SORCS1: variants seen among roughly 807,000 people sequenced by gnomAD.
SORCS1 encodes sortilin related VPS10 domain containing receptor 1, also known as VPS10 domain-containing receptor SorCS1.
In SORCS1, 60 loss-of-function variants were observed where a neutral mutation model predicts 146.1. That is an observed-to-expected ratio of 0.41 (90% CI 0.33 to 0.51). The LOEUF (loss-of-function observed/expected upper bound fraction) is 0.51, where lower values mean the gene tolerates loss of function less well. Ranked by LOEUF, SORCS1 falls within the 20% of genes least tolerant of loss-of-function variation. The pLI, the probability that SORCS1 is intolerant of heterozygous loss-of-function variation, is 0.21. For missense variants in SORCS1, 1,352 were observed against 1,487.6 expected (o/e 0.91, Z 1.50); for synonymous variants, 637 against 584.0 (o/e 1.09, Z -1.31).
intron 9 of SORCS1, among the ~76,000 whole-genome samples, chr10:106,695,914 G>A (rs535067832): frequency 9.2e-4 from 140 of 152,146 alleles, no homozygotes; most frequent in African/African-American, 3.3e-3. Context: ...ATAGTTCTAG[G>A]GTAGAGAACA....
At chr10:106,693,484 A>T (rs1853454295) in intron 9 of SORCS1, among the ~76,000 whole-genome samples, 1 of 152,174 alleles carries the variant, frequency 6.6e-6, no homozygotes, top group South Asian at 2.1e-4. Flanking sequence ...TACTCAAAGA[A>T]ATTGTATTTT....
chr10:107,176,037 T>A, the SORCS1 span, among the ~76,000 whole-genome samples: 2 of 152,208 alleles, frequency 1.3e-5, no homozygotes, highest in African/African-American at 4.8e-5. Context: ...TATACACACA[T>A]ATATATGTGT....
intron 1 of SORCS1, among the ~76,000 whole-genome samples, chr10:107,084,085 G>GT (rs1189640922): frequency 8.0e-6 from 1 of 124,326 alleles, no homozygotes; most frequent in East Asian, 2.3e-4. Context: ...TATTTTTGTT[G>GT]TTTTTTGTTT....
chr10:106,632,192 C>T (rs1341731453), intron 18 of SORCS1, among the ~76,000 whole-genome samples: 1 of 152,174 alleles, frequency 6.6e-6, no homozygotes, highest in Non-Finnish European at 1.5e-5. Context: ...GTCCCCAGGA[C>T]CTCCTGATAT....
At chr10:106,645,170 A>ATT (rs3044909) in intron 18 of SORCS1, among the ~76,000 whole-genome samples, 3 of 106,814 alleles carry the variant, frequency 2.8e-5, no homozygotes, top group East Asian at 5.3e-4. Flanking sequence ...GTGTCTTATT[A>ATT]TTTTTTTTTT....
intron 1 of SORCS1, among the ~76,000 whole-genome samples, chr10:107,147,341 A>G (rs1455536165): frequency 6.6e-6 from 1 of 152,154 alleles, no homozygotes; most frequent in African/African-American, 2.4e-5. Context: ...TTTCTCCCTC[A>G]GGCCTTTGGC....
the SORCS1 span, among the ~76,000 whole-genome samples, chr10:107,176,327 C>T: frequency 1.3e-4 from 19 of 146,436 alleles, no homozygotes; most frequent in South Asian, 4.3e-4. Flanking sequence ...CTCTCTCTCT[C>T]TCTTTCTTTT....
the SORCS1 span, among the ~76,000 whole-genome samples, chr10:107,174,777 ATTGT>A: frequency 6.6e-6 from 1 of 152,024 alleles, no homozygotes; most frequent in East Asian, 1.9e-4. Context: ...TTGGTTGATG[ATTGT>A]TTGGCTAGCA....
At chr10:106,819,681 C>T (rs1199328019) in intron 3 of SORCS1, among the ~76,000 whole-genome samples, 1 of 152,168 alleles carries the variant, frequency 6.6e-6, no homozygotes, top group Non-Finnish European at 1.5e-5. Context: ...CACCCCCACA[C>T]TTGAGTCATA....
In SORCS1 at chr10:106,629,244, T is replaced by C. The variant is rs1848287339; in HGVS notation, c.2620A>G (p.Ser874Gly). 1 of 1,613,978 alleles carries C rather than the reference T, an allele frequency of 6.2e-7. No homozygotes were observed. Among genetic ancestry groups the C allele is most frequent in the African/African-American group, 1.3e-5 (1 of 74,950 alleles). Reference sequence around the variant, plus strand: ...AGGACGGCGCTGTCAGAACCCAGACTGTTGTCCACCTGCACGGTCACACGG... The same window carrying C: ...AGGACGGCGCTGTCAGAACCCAGACCGTTGTCCACCTGCACGGTCACACGG... ...IFRVTVQVDN[S>G]LGSDSAVLYL... The change falls in exon 19 of 26, where the codon AGT becomes GGT. Residue 874 changes from serine (S) to glycine (G), a missense_variant. Physicochemically the swap from Ser to Gly is moderately conservative, Grantham distance 56 (BLOSUM62 0). Coordinates refer to ENST00000263054, the MANE Select transcript of SORCS1 (RefSeq NM_052918.5).
At chr10:106,965,988 TA>T (rs1313423482) in intron 1 of SORCS1, among the ~76,000 whole-genome samples, 1 of 152,240 alleles carries the variant, frequency 6.6e-6, no homozygotes, top group East Asian at 1.9e-4. Context: ...TTACGTTTTT[TA>T]AAGTTTTGAA....
intron 2 of SORCS1, among the ~76,000 whole-genome samples, chr10:106,868,881 A>C (rs1378082590): frequency 1.3e-5 from 2 of 152,222 alleles, no homozygotes; most frequent in African/African-American, 4.8e-5. Flanking sequence ...AAAACTATTC[A>C]AAAGATCAAT....
chr10:106,849,257 C>T (rs1398785788), intron 2 of SORCS1, among the ~76,000 whole-genome samples: 5 of 150,750 alleles, frequency 3.3e-5, no homozygotes, highest in Admixed American at 2.7e-4. Flanking sequence ...TCACATAGTC[C>T]CATATTTCTT....
intron 5 of SORCS1, among the ~76,000 whole-genome samples, chr10:106,744,083 C>A (rs565066680): frequency 2.6e-5 from 4 of 152,038 alleles, no homozygotes; most frequent in African/African-American, 9.7e-5. Flanking sequence ...TTGGTAATAT[C>A]TATCGTTTTA....
chr10:106,844,233 T>G (rs1949204518), intron 2 of SORCS1, among the ~76,000 whole-genome samples: 1 of 152,216 alleles, frequency 6.6e-6, no homozygotes, highest in African/African-American at 2.4e-5. Flanking sequence ...AATCAGGTTT[T>G]TTGTTTAATT....
chr10:106,579,460 G>T lies in SORCS1; in HGVS notation c.3280C>A (p.Leu1094Ile). The T allele has an allele frequency of 5.0e-6, 8 of 1,613,812 alleles. No homozygotes were observed. Among genetic ancestry groups the T allele is most frequent in the Non-Finnish European group, 6.8e-6 (8 of 1,179,930 alleles). ...AHLTAAPLVDLTPTHSGSAML... is the reference protein window; with the variant it reads ...AHLTAAPLVDITPTHSGSAML... ...GCAGATCCACTGTGGGTTGGAGTGAGGTCCACCAGGGGGGCTTGTGGGGGA... is the reference window on the plus strand; with the variant it reads ...GCAGATCCACTGTGGGTTGGAGTGATGTCCACCAGGGGGGCTTGTGGGGGA... Residue 1094 changes from leucine (L) to isoleucine (I), a missense_variant, in exon 25 of 26, where the codon CTC (leucine) becomes ATC (isoleucine). By Grantham distance (5) the Leu-to-Ile change is conservative. Around this residue, in one of 3 missense-constraint regions of SORCS1, gnomAD observed 214 missense variants for 204.8 expected, o/e 1.05. Coordinates refer to ENST00000263054, the MANE Select transcript of SORCS1 (RefSeq NM_052918.5).
At chr10:106,593,343 G>C (rs1845724130) in intron 24 of SORCS1, among the ~76,000 whole-genome samples, 1 of 152,074 alleles carries the variant, frequency 6.6e-6, no homozygotes, top group Non-Finnish European at 1.5e-5. Context: ...ACAGGAAACA[G>C]ATCCCTCCCA....
At chr10:106,625,705 A>G (rs527650272) in intron 19 of SORCS1, among the ~76,000 whole-genome samples, 3 of 152,204 alleles carry the variant, frequency 2.0e-5, no homozygotes, top group Non-Finnish European at 4.4e-5. Flanking sequence ...CATGGCTCCT[A>G]TATAAGGGAA....
intron 2 of SORCS1, among the ~76,000 whole-genome samples, chr10:106,883,555 C>T (rs1329599811): frequency 6.6e-6 from 1 of 152,010 alleles, no homozygotes; most frequent in Non-Finnish European, 1.5e-5. Context: ...GCTGAGACTA[C>T]AGGTGCCTGC....
Sources: gnomAD v4.1 joint callset for allele counts (sites outside exome capture counted in the v4.1 genomes callset) on GRCh38, gnomAD v4.1.1 for gene constraint, gnomAD v4.1.1 regional missense constraint, MANE v1.5 for transcripts, NCBI Gene and HGNC (gene_info 2026-07-23, HGNC 2026-07-21) for gene names.